The following F13A1 variants were observed in gnomAD, a reference collection of about 807,000 sequenced individuals.
The protein encoded by F13A1 is FSF, A subunit.
Under a neutral mutation model 80.1 loss-of-function variants are expected in F13A1, and 47 were observed. That is an observed-to-expected ratio of 0.59 (90% CI 0.46 to 0.75). The LOEUF is 0.75. Among genes scored for constraint, F13A1 ranks in the 30% least tolerant of loss-of-function variants. The probability of loss-of-function intolerance (pLI) is 0.00; values close to 1 mark genes in which losing one functional copy is unlikely to be tolerated. For synonymous variants in F13A1, 349 were observed against 344.9 expected (o/e 1.01, Z -0.13); for missense variants, 817 against 930.4 (o/e 0.88, Z 1.59).
chr6:6,231,496 A>G (rs2113074349), intron 6 of F13A1, among the ~76,000 whole-genome samples: 1 of 152,288 alleles, frequency 6.6e-6, no homozygotes, highest in Non-Finnish European at 1.5e-5. Flanking sequence ...AGCTTGGAAA[A>G]TGTATTTGGG....
intron 3 of F13A1, among the ~76,000 whole-genome samples, chr6:6,278,829 C>T (rs1758024159): frequency 6.6e-6 from 1 of 152,116 alleles, no homozygotes; most frequent in African/African-American, 2.4e-5. Flanking sequence ...GGATCTTATT[C>T]TGATTGAGAA....
chr6:6,151,518 T>C (rs753838419), intron 14 of F13A1, among the ~76,000 whole-genome samples: 15 of 151,846 alleles, frequency 9.9e-5, no homozygotes, highest in Non-Finnish European at 2.1e-4. Context: ...TTTCATAAAC[T>C]GTGTAACTGA....
chr6:6,294,118 T>TAG (rs1758278542), intron 3 of F13A1, among the ~76,000 whole-genome samples: 6 of 152,182 alleles, frequency 3.9e-5, no homozygotes, highest in Non-Finnish European at 1.5e-5. Flanking sequence ...AAAAAAGTTT[T>TAG]TTTAAGTATA....
intron 12 of F13A1, among the ~76,000 whole-genome samples, chr6:6,171,874 T>A (rs1760781268): frequency 2.0e-5 from 3 of 152,232 alleles, no homozygotes; most frequent in Non-Finnish European, 4.4e-5. Context: ...CAGTTTCTTC[T>A]GGCTGGAATG....
At chr6:6,182,858 T>C (rs1015340937) in intron 10 of F13A1, among the ~76,000 whole-genome samples, 2 of 152,228 alleles carry the variant, frequency 1.3e-5, no homozygotes, top group Non-Finnish European at 2.9e-5. Flanking sequence ...CCACATTAGT[T>C]CTGCTACTTG....
chr6:6,148,458 G>A (rs1002727319), intron 14 of F13A1, among the ~76,000 whole-genome samples: 18 of 152,154 alleles, frequency 1.2e-4, no homozygotes, highest in Admixed American at 9.2e-4. Flanking sequence ...GAATGAGTGG[G>A]GGTGGTGATT....
At chr6:6,277,748 T>G (rs974402855) in intron 3 of F13A1, among the ~76,000 whole-genome samples, 1 of 152,234 alleles carries the variant, frequency 6.6e-6, no homozygotes, top group East Asian at 1.9e-4. Context: ...TTTTGATGTA[T>G]AGGGCCTAAC....
intron 3 of F13A1, among the ~76,000 whole-genome samples, chr6:6,296,742 T>C (rs1291182366): frequency 6.9e-6 from 1 of 145,370 alleles, no homozygotes; most frequent in East Asian, 2.0e-4. Flanking sequence ...CTTTATTTCC[T>C]TCTCCTGCCT....
chr6:6,151,508 TTTCATAAACTGTG>T (rs1222255939), intron 14 of F13A1, among the ~76,000 whole-genome samples: 1 of 152,216 alleles, frequency 6.6e-6, no homozygotes, highest in African/African-American at 2.4e-5. Flanking sequence ...TTGGCTCTGT[TTTCATAAACTGTG>T]TAACTGAACC....
chr6:6,286,699 C>T (rs1758144956), intron 3 of F13A1, among the ~76,000 whole-genome samples: 1 of 152,034 alleles, frequency 6.6e-6, no homozygotes, highest in Admixed American at 6.5e-5. Flanking sequence ...GCATGAGAGA[C>T]AGACAGAGAG....
chr6:6,234,647 G>A (rs770453376), intron 6 of F13A1, among the ~76,000 whole-genome samples: 10 of 151,888 alleles, frequency 6.6e-5, no homozygotes, highest in Non-Finnish European at 1.2e-4. Context: ...TAGTGTGTGG[G>A]TCTCTCAGTT....
At chr6:6,186,353 A>G (rs894793247) in intron 10 of F13A1, among the ~76,000 whole-genome samples, 1 of 152,028 alleles carries the variant, frequency 6.6e-6, no homozygotes, top group Non-Finnish European at 1.5e-5. Flanking sequence ...TTTATGGTAT[A>G]AGGTCTAACG....
At chr6:6,277,846 A>T (rs1758009503) in intron 3 of F13A1, among the ~76,000 whole-genome samples, 1 of 152,162 alleles carries the variant, frequency 6.6e-6, no homozygotes, top group African/African-American at 2.4e-5. Flanking sequence ...ATACATTAAG[A>T]CCCTCTTCAT....
At position 6,243,522 on chromosome 6, in the gene F13A1, C is replaced by T. The variant is rs1235870174; in HGVS notation, c.798+4790G>A. Among the ~76,000 whole-genome samples, 2 of 152,200 alleles carry T rather than the reference C, an allele frequency of 1.3e-5. No individual in the cohort carries two copies. The highest frequency in any genetic ancestry group is 1.5e-5 in the Non-Finnish European group (1 of 68,042). On this transcript the variant is annotated intron_variant, in intron 6 of 14. Coordinates refer to ENST00000264870, the MANE Select transcript of F13A1 (RefSeq NM_000129.4). The surrounding 1 kb of genome is among the most constrained non-coding windows in gnomAD (Gnocchi z 4.2). Reference sequence around the variant, plus strand: ...TTTTCAATAATTTGCCTCATCTGGGCTCCATTCCCTTGGGGCTCTCTTCTT... The same window carrying T: ...TTTTCAATAATTTGCCTCATCTGGGTTCCATTCCCTTGGGGCTCTCTTCTT...
intron 3 of F13A1, among the ~76,000 whole-genome samples, chr6:6,287,515 C>T (rs1758155887): frequency 6.6e-6 from 1 of 152,146 alleles, no homozygotes; most frequent in South Asian, 2.1e-4. Flanking sequence ...AGGAGGCAGT[C>T]AGGGAGGAAG....
intron 2 of F13A1, among the ~76,000 whole-genome samples, chr6:6,308,645 C>T (rs1758548622): frequency 8.4e-6 from 1 of 118,476 alleles, no homozygotes; most frequent in African/African-American, 3.2e-5. Flanking sequence ...CAGAGTCCTG[C>T]TCTGTTGCTC....
intron 12 of F13A1, among the ~76,000 whole-genome samples, chr6:6,172,066 A>G (rs930411366): frequency 6.6e-6 from 1 of 152,224 alleles, no homozygotes; most frequent in African/African-American, 2.4e-5. Context: ...TCAGAAATTC[A>G]GTAAGAATAG....
chr6:6,251,693 C>T (rs968690561), intron 4 of F13A1, among the ~76,000 whole-genome samples: 2 of 152,056 alleles, frequency 1.3e-5, no homozygotes, highest in Admixed American at 1.3e-4. Flanking sequence ...GGCATCTAAG[C>T]GTTTTTACAC....
At position 6,250,747 on chromosome 6, in the gene F13A1, A is replaced by G; in HGVS notation, c.690+64T>C. ...TATCGATATATGGGATCCTGTAGGG[A>G]TACATGTGACAAAAAATATGAAGTA... On this transcript the variant is annotated intron_variant, in intron 5 of 14. Coordinates refer to ENST00000264870, the MANE Select transcript of F13A1 (RefSeq NM_000129.4). The surrounding 1 kb of genome is among the most constrained non-coding windows in gnomAD (Gnocchi z 4.2). 9.5e-7 allele frequency: 1 copy of G among 1,056,312 alleles called. No individual in the cohort carries two copies. The allele number at this position is 1,056,312 out of a possible 1,614,324, so 65.4% of individuals were successfully genotyped here.
Sources: gnomAD v4.1 joint callset for allele counts (sites outside exome capture counted in the v4.1 genomes callset) on GRCh38, gnomAD v4.1.1 for gene constraint, Gnocchi (gnomAD v3.1) non-coding constraint, MANE v1.5 for transcripts, NCBI Gene and HGNC (gene_info 2026-07-23, HGNC 2026-07-21) for gene names.